The following METTL24 variants were observed in gnomAD, a reference collection of about 807,000 sequenced individuals.
METTL24 encodes probable methyltransferase-like protein 24.
A neutral mutation model predicts 32.7 loss-of-function variants in METTL24; 29 were observed. The observed-to-expected ratio is 0.89, with a 90% CI of 0.66 to 1.21. The LOEUF is 1.21. Ranked by LOEUF, METTL24 falls within the 50% of genes most tolerant of loss-of-function variation. The pLI is 0.00. For synonymous variants in METTL24, 163 were observed against 179.5 expected (o/e 0.91, Z 0.73); for missense variants, 439 against 468.1 (o/e 0.94, Z 0.57).
chr6:110,332,447 G>C, intron 1 of METTL24: 1 of 931,816 alleles, frequency 1.1e-6, no homozygotes. Context: ...TACCTAGAGT[G>C]GATCCAGTGA....
chr6:110,268,520 C>T (rs1171778533), intron 4 of METTL24, among the ~76,000 whole-genome samples: 1 of 152,186 alleles, frequency 6.6e-6, no homozygotes, highest in Non-Finnish European at 1.5e-5. Context: ...CCAGCATGTG[C>T]ATGGCCTGCT....
intron 1 of METTL24, among the ~76,000 whole-genome samples, chr6:110,343,750 C>T (rs769650952): frequency 1.3e-5 from 2 of 152,140 alleles, no homozygotes; most frequent in Admixed American, 1.3e-4. Flanking sequence ...AAACTTTAAT[C>T]AGTTTTAGTT....
At chr6:110,265,181 GAAA>G (rs1770832577) in intron 4 of METTL24, among the ~76,000 whole-genome samples, 1 of 135,822 alleles carries the variant, frequency 7.4e-6, no homozygotes, top group African/African-American at 2.8e-5. Context: ...AAGAAAGAAA[GAAA>G]GAAAGAAAGA....
chr6:110,313,793 G>A (rs1313116767), intron 3 of METTL24, among the ~76,000 whole-genome samples: 1 of 152,014 alleles, frequency 6.6e-6, no homozygotes, highest in Admixed American at 6.6e-5. Context: ...TCTAATCCAC[G>A]GCCTCCACAC....
At chr6:110,315,838 G>A (rs574699943) in intron 2 of METTL24, among the ~76,000 whole-genome samples, 33 of 152,152 alleles carry the variant, frequency 2.2e-4, no homozygotes, top group Non-Finnish European at 3.7e-4. Flanking sequence ...AGGATGAACC[G>A]AGAGGCTTGG....
chr6:110,298,053 T>C (rs1325133801), intron 4 of METTL24, among the ~76,000 whole-genome samples: 2 of 152,118 alleles, frequency 1.3e-5, no homozygotes, highest in African/African-American at 2.4e-5. Context: ...AGGGAAAAGC[T>C]TCTTACTGAA....
At chr6:110,247,871 C>T (rs377566938) in intron 4 of METTL24, among the ~76,000 whole-genome samples, 50 of 152,202 alleles carry the variant, frequency 3.3e-4, no homozygotes, top group African/African-American at 8.9e-4. Context: ...ACTATTCTGA[C>T]GTAGTTTGGA....
intron 1 of METTL24, among the ~76,000 whole-genome samples, chr6:110,349,094 T>C (rs1239669226): frequency 1.3e-5 from 2 of 152,196 alleles, no homozygotes; most frequent in Non-Finnish European, 1.5e-5. Flanking sequence ...ACAGCGAACG[T>C]GAAACATGAC....
At chr6:110,286,281 C>A (rs540208026) in intron 4 of METTL24, among the ~76,000 whole-genome samples, 1 of 152,266 alleles carries the variant, frequency 6.6e-6, no homozygotes, top group African/African-American at 2.4e-5. Context: ...CATTTAAGTC[C>A]TTTCTACGCA....
Position 110,244,993 on chromosome 6 carries a change from T to TCTATCTAA in METTL24, c.*952_*953insTTAGATAG, listed in dbSNP as rs1320404159. ...TCTTATCTATCTATCTATCTATCTA[T>TCTATCTAA]CTATCTATCATCTATCTATTTATCT... On this transcript the variant is annotated 3_prime_UTR_variant, in exon 5 of 5. Transcript: ENST00000338882. Among the ~76,000 whole-genome samples, 1 of 151,962 alleles carries TCTATCTAA rather than the reference T, an allele frequency of 6.6e-6. No homozygotes were observed. The highest frequency in any genetic ancestry group is 1.5e-5 in the Non-Finnish European group (1 of 68,006).
At chr6:110,281,416 G>A (rs1433496116) in intron 4 of METTL24, among the ~76,000 whole-genome samples, 1 of 152,002 alleles carries the variant, frequency 6.6e-6, no homozygotes, top group South Asian at 2.1e-4. Context: ...GCCGAGGCGG[G>A]TGGATCATGA....
At chr6:110,324,420 A>C (rs565573105) in intron 1 of METTL24, among the ~76,000 whole-genome samples, 1 of 152,308 alleles carries the variant, frequency 6.6e-6, no homozygotes, top group South Asian at 2.1e-4. Flanking sequence ...CAACCTGTGC[A>C]GTCTTAGGAG....
At chr6:110,334,097 A>G (rs1331505318) in intron 1 of METTL24, among the ~76,000 whole-genome samples, 2 of 151,762 alleles carry the variant, frequency 1.3e-5, no homozygotes, top group East Asian at 3.9e-4. Context: ...GGGGCCTGAG[A>G]GAAAACAGAG....
chr6:110,312,887 C>T, intron 3 of METTL24, among the ~76,000 whole-genome samples: 1 of 152,174 alleles, frequency 6.6e-6, no homozygotes, highest in East Asian at 1.9e-4. Flanking sequence ...AAGTACACTC[C>T]ACAGTGTGGG....
chr6:110,260,253 T>C (rs912392770), intron 4 of METTL24, among the ~76,000 whole-genome samples: 17 of 152,076 alleles, frequency 1.1e-4, no homozygotes, highest in Admixed American at 3.9e-4. Flanking sequence ...GAATAACCAA[T>C]GCAGAGAAGT....
At chr6:110,319,452 G>C (rs1421699697) in intron 2 of METTL24, among the ~76,000 whole-genome samples, 1 of 148,764 alleles carries the variant, frequency 6.7e-6, no homozygotes, top group Non-Finnish European at 1.5e-5. Flanking sequence ...TAGATAGATA[G>C]ATAGATAGAT....
chr6:110,246,646 C>A (rs1331386283), intron 4 of METTL24, among the ~76,000 whole-genome samples: 2 of 152,070 alleles, frequency 1.3e-5, no homozygotes, highest in African/African-American at 4.8e-5. Context: ...TGCTTTCTGC[C>A]CAGTGGGAAT....
At position 110,258,250 on chromosome 6, in the gene METTL24, G is replaced by A. The variant is rs138871971; in HGVS notation, c.787-11990C>T. ...TAACAGCAGCTATATTTTGGGAGGT[G>A]TCTCAGAGGCAAAATTAAAATTTGG... On this transcript the variant is annotated intron_variant, in intron 4 of 4. Coordinates refer to ENST00000338882, the MANE Select transcript of METTL24 (RefSeq NM_001123364.3). Among the ~76,000 whole-genome samples the A allele has an allele frequency of 4.3e-3, 660 of 152,318 alleles. 9 individuals are homozygous for A. The highest frequency in any genetic ancestry group is 0.015 in the African/African-American group (644 of 41,570).
At chr6:110,261,408 A>T (rs961343160) in intron 4 of METTL24, among the ~76,000 whole-genome samples, 1 of 152,250 alleles carries the variant, frequency 6.6e-6, no homozygotes, top group South Asian at 2.1e-4. Context: ...ATTCAACAGA[A>T]GAGCTGACTA....
Sources: gnomAD v4.1 joint callset for allele counts (sites outside exome capture counted in the v4.1 genomes callset) on GRCh38, gnomAD v4.1.1 for gene constraint, MANE v1.5 for transcripts, NCBI Gene and HGNC (gene_info 2026-07-23, HGNC 2026-07-21) for gene names.